The following VAMP7 variants were observed in gnomAD, a reference collection of about 807,000 sequenced individuals.
VAMP7 encodes the protein vesicle associated membrane protein 7, also known as vesicle-associated membrane protein 7.
Under a neutral mutation model 29.6 loss-of-function variants are expected in VAMP7, and 14 were observed. The observed-to-expected ratio is 0.47, with a 90% CI of 0.31 to 0.74. The LOEUF (loss-of-function observed/expected upper bound fraction) is 0.74, where lower values mean the gene tolerates loss of function less well. Among genes scored for constraint, VAMP7 ranks in the 30% least tolerant of loss-of-function variants. The pLI, the probability that VAMP7 is intolerant of heterozygous loss-of-function variation, is 0.05. For missense variants in VAMP7, 223 were observed against 262.4 expected (o/e 0.85, Z 1.04); for synonymous variants, 95 against 88.1 (o/e 1.08, Z -0.44).
At chrX:155,913,365 T>A (rs899118339) in intron 5 of VAMP7, among the ~76,000 whole-genome samples, 1 of 152,208 alleles carries the variant, frequency 6.6e-6, no homozygotes, top group African/African-American at 2.4e-5. Flanking sequence ...GTGCAGAAGC[T>A]CTTTGCTTTA....
intron 5 of VAMP7, among the ~76,000 whole-genome samples, chrX:155,906,785 G>A (rs6642373): frequency 0.65 from 98,350 of 151,958 alleles, 32,312 homozygotes; most frequent in African/African-American, 0.77. Flanking sequence ...TTCCTTTTCA[G>A]TCTGGATGCT....
chrX:155,936,494 G>A (rs780479121), intron 6 of VAMP7, among the ~76,000 whole-genome samples: 3 of 152,328 alleles, frequency 2.0e-5, no homozygotes, highest in African/African-American at 4.8e-5. Flanking sequence ...GGGACCCTCT[G>A]AGCCAGGCGC....
chrX:155,908,504 G>A (rs754740450), intron 5 of VAMP7, among the ~76,000 whole-genome samples: 10 of 152,190 alleles, frequency 6.6e-5, no homozygotes, highest in East Asian at 1.9e-4. Flanking sequence ...GTCCAGCTTC[G>A]GCTGGGCATC....
intron 6 of VAMP7, among the ~76,000 whole-genome samples, chrX:155,932,322 G>T (rs1427073595): frequency 3.3e-5 from 5 of 152,116 alleles, no homozygotes; most frequent in Admixed American, 1.3e-4. Flanking sequence ...TCATGATATT[G>T]ATTCTTCCTA....
At chrX:155,889,704 G>A in intron 2 of VAMP7, 92 bp downstream of exon 2, 1 of 1,386,070 alleles carries the variant, frequency 7.2e-7, no homozygotes, top group Middle Eastern at 2.4e-4. Flanking sequence ...AAGCTTCTAG[G>A]TACATAATTT....
At chrX:155,915,182 T>A (rs1474277585) in intron 5 of VAMP7, among the ~76,000 whole-genome samples, 2 of 152,190 alleles carry the variant, frequency 1.3e-5, no homozygotes, top group African/African-American at 4.8e-5. Flanking sequence ...GATGGTAGTT[T>A]GTATTTCTGT....
intron 1 of VAMP7, among the ~76,000 whole-genome samples, chrX:155,887,726 C>A (rs191702728): frequency 6.6e-6 from 1 of 151,782 alleles, no homozygotes; most frequent in Admixed American, 6.6e-5. Flanking sequence ...CCCGGGAGTT[C>A]AAGACCAGCC....
intron 3 of VAMP7, 145 bp from the exon 4 acceptor site, chrX:155,897,966 CT>C: frequency 2.9e-6 from 3 of 1,039,400 alleles, no homozygotes; most frequent in Non-Finnish European, 4.1e-6. Context: ...CCTTCCTTTA[CT>C]TATCTTTAAG....
intron 3 of VAMP7, 118 bp downstream of exon 3, chrX:155,895,798 G>A (rs2065980002): frequency 2.7e-6 from 2 of 742,064 alleles, no homozygotes; most frequent in East Asian, 5.1e-5. Context: ...CAGGTCTGTG[G>A]CTTGTTAGGA....
intron 5 of VAMP7, 74 bp downstream of exon 5, chrX:155,900,661 TAG>T (rs933585804): frequency 7.5e-7 from 1 of 1,333,492 alleles, no homozygotes; most frequent in African/African-American, 1.5e-5. Context: ...CAAATTATTC[TAG>T]AGAAGCCAAA....
intron 1 of VAMP7, among the ~76,000 whole-genome samples, chrX:155,886,924 C>A (rs944402360): frequency 6.6e-6 from 1 of 150,604 alleles, no homozygotes; most frequent in African/African-American, 2.5e-5. Context: ...TCTGAACCTG[C>A]ACAGGGACTG....
intron 1 of VAMP7, among the ~76,000 whole-genome samples, chrX:155,882,296 A>G (rs145538852): frequency 6.6e-6 from 1 of 152,102 alleles, no homozygotes; most frequent in Non-Finnish European, 1.5e-5. Flanking sequence ...GGAGGTTGCT[A>G]CTCTCAGGAA....
At position 155,910,798 on chromosome X, in the gene VAMP7, G is replaced by A. The variant is rs150062049; in HGVS notation, c.434-9015G>A. 2.9e-3 allele frequency among the ~76,000 whole-genome samples: 438 copies of A among 151,896 alleles called. 5 individuals carry two copies. The highest frequency in any genetic ancestry group is 0.01 in the African/African-American group (417 of 41,506). ...TGCCCACTTTTTAAGGGGATTATTT[G>A]TATATCTCCTGTTGAGTTCATTATA... On this transcript the variant is annotated intron_variant, in intron 5 of 7. Transcript: ENST00000286448.
At position 155,909,704 on chromosome X, in the gene VAMP7, T is replaced by C. The variant is rs28859886; in HGVS notation, c.433+9117T>C. ...TAGAAGTCCAAGATCACGGTGCCAG[T>C]ATGGTCAGGTTCTGGTAAGGGCTCT... On this transcript the variant is annotated intron_variant, in intron 5 of 7. Coordinates refer to ENST00000286448, the MANE Select transcript of VAMP7 (RefSeq NM_005638.6). Among the ~76,000 whole-genome samples the C allele has an allele frequency of 8.9e-3, 1,354 of 152,278 alleles. 22 individuals carry two copies. Among genetic ancestry groups the C allele is most frequent in the African/African-American group, 0.031 (1,288 of 41,548 alleles).
chrX:155,894,086 G>T (rs1290589839), intron 2 of VAMP7, among the ~76,000 whole-genome samples: 1 of 152,118 alleles, frequency 6.6e-6, no homozygotes, highest in Non-Finnish European at 1.5e-5. Flanking sequence ...CTTGCCCAAG[G>T]TACAAATGTG....
chrX:155,925,343 T>C (rs183422120), intron 6 of VAMP7, among the ~76,000 whole-genome samples: 41 of 152,322 alleles, frequency 2.7e-4, no homozygotes, highest in African/African-American at 9.6e-4. Context: ...ATGTTTTTCT[T>C]AAATAATAAG....
In VAMP7 at chrX:155,939,287, C is replaced by A. The variant is rs149537951; in HGVS notation, c.502-414C>A. On this transcript the variant is annotated intron_variant, in intron 6 of 7. Transcript: ENST00000286448. ...CTCACAAAAGTAAATACATATCTTC[C>A]TACAGAAATCAAACAGGTTTTTATG... Among the ~76,000 whole-genome samples, 999 of 152,214 alleles carry A rather than the reference C, an allele frequency of 6.6e-3. 3 individuals carry two copies. The highest frequency in any genetic ancestry group is 8.6e-3 in the Non-Finnish European group (585 of 68,020).
At chrX:155,916,748 T>G (rs2066319396) in intron 5 of VAMP7, among the ~76,000 whole-genome samples, 1 of 152,196 alleles carries the variant, frequency 6.6e-6, no homozygotes, top group African/African-American at 2.4e-5. Flanking sequence ...TGGGCTTCCC[T>G]TTGTGGGTAG....
chrX:155,893,752 C>A (rs2065952775), intron 2 of VAMP7, among the ~76,000 whole-genome samples: 1 of 152,208 alleles, frequency 6.6e-6, no homozygotes, highest in African/African-American at 2.4e-5. Flanking sequence ...TCTTAAGTGC[C>A]TCCCAAAGGC....
Sources: allele counts gnomAD v4.1 joint callset (sites outside exome capture counted in the v4.1 genomes callset), GRCh38; gene constraint gnomAD v4.1.1; transcripts MANE v1.5; gene names NCBI Gene and HGNC (gene_info 2026-07-23, HGNC 2026-07-21).